SPAST: variants seen among roughly 807,000 people sequenced by gnomAD.
SPAST encodes the protein spastin, also known as spastic paraplegia 4 (autosomal dominant; spastin).
Under a neutral mutation model 76.6 loss-of-function variants are expected in SPAST, and 30 were observed. The ratio of observed to expected loss-of-function variants is 0.39; its 90% CI spans 0.29 to 0.53. SPAST has a LOEUF of 0.53. SPAST is among the 20% of genes least tolerant of loss of function. The probability of loss-of-function intolerance (pLI) is 0.68; values close to 1 mark genes in which losing one functional copy is unlikely to be tolerated. For missense variants in SPAST, 717 were observed against 770.5 expected (o/e 0.93, Z 0.82); for synonymous variants, 305 against 281.0 (o/e 1.09, Z -0.86).
intron 4 of SPAST, among the ~76,000 whole-genome samples, chr2:32,105,038 G>A (rs935441507): frequency 2.0e-5 from 3 of 152,152 alleles, no homozygotes; most frequent in African/African-American, 4.8e-5. Flanking sequence ...ATAATATCCT[G>A]CAGAGTGTTT....
chr2:32,120,184 C>A (rs537063615), intron 7 of SPAST, among the ~76,000 whole-genome samples: 1 of 151,944 alleles, frequency 6.6e-6, no homozygotes, highest in Non-Finnish European at 1.5e-5. Flanking sequence ...TAAACATAAG[C>A]CTTTCTTCTT....
At chr2:32,131,811 C>T (rs13014545) in intron 9 of SPAST, among the ~76,000 whole-genome samples, 2,507 of 151,670 alleles carry the variant, frequency 0.017, 46 homozygotes, top group Middle Eastern at 0.078. Flanking sequence ...TACAGGCACC[C>T]GCCACGACAC....
intron 1 of SPAST, among the ~76,000 whole-genome samples, chr2:32,073,512 T>C (rs1676834726): frequency 6.6e-6 from 1 of 152,164 alleles, no homozygotes; most frequent in Non-Finnish European, 1.5e-5. Context: ...TAAAGCAAGA[T>C]AGAGACAGGG....
Position 32,064,162 on chromosome 2 carries a change from G to A in SPAST, c.331G>A (p.Gly111Ser), listed in dbSNP as rs751295729. The change falls in exon 1 of 17, where the codon GGC becomes AGC. Residue 111 changes from glycine (G) to serine (S), a missense_variant. Gly to Ser is a moderately conservative substitution (Grantham distance 56). Around this residue, in one of 3 missense-constraint regions of SPAST, gnomAD observed 543 missense variants for 445.2 expected, o/e 1.22. Transcript: ENST00000315285. ...SASAPAPVPG[G>S]EAERVRVFHK... is the part of the protein sequence containing the mutation. The stretch of plus-strand genomic sequence containing the variant: ...CTCGGCCCCGGCGCCGGTGCCGGGC[G>A]GCGAGGCCGAGCGCGTCCGAGTCTT... The A allele has an allele frequency of 2.6e-6, 4 of 1,553,782 alleles. No homozygotes were observed. The South Asian group carries it at 3.5e-5, about 14-fold the overall frequency.
chr2:32,121,383 C>T lies in SPAST; in HGVS notation c.1098+5171C>T, dbSNP rs532791681. Among the ~76,000 whole-genome samples, 14 of 152,102 alleles carry T rather than the reference C, an allele frequency of 9.2e-5. No homozygotes were observed. The South Asian group carries it at 1.9e-3, about 20-fold the overall frequency. On this transcript the variant is annotated intron_variant, in intron 7 of 16. Coordinates refer to ENST00000315285, the MANE Select transcript of SPAST (RefSeq NM_014946.4). ...CTTGAACTCCTGACCTCAGGTGATC[C>T]GCCCTCCTCAGCCTCCCAAAGTGCT... is the stretch of plus-strand genomic sequence containing the variant.
chr2:32,094,669 C>G (rs1406413886), intron 3 of SPAST, among the ~76,000 whole-genome samples: 1 of 152,160 alleles, frequency 6.6e-6, no homozygotes, highest in Non-Finnish European at 1.5e-5. Flanking sequence ...GGAGCAGTTA[C>G]AAAGATTTTT....
chr2:32,097,846 A>G (rs1250923798), intron 3 of SPAST, among the ~76,000 whole-genome samples: 1 of 151,902 alleles, frequency 6.6e-6, no homozygotes, highest in African/African-American at 2.4e-5. Flanking sequence ...GGCGCGTGCC[A>G]CCACGCCCGG....
At chr2:32,153,052 A>G (rs1008506142) in intron 16 of SPAST, among the ~76,000 whole-genome samples, 1 of 152,026 alleles carries the variant, frequency 6.6e-6, no homozygotes, top group East Asian at 1.9e-4. Flanking sequence ...GCCAGCCTAT[A>G]TTTTAACTAT....
chr2:32,096,328 G>A (rs764603108), intron 3 of SPAST, among the ~76,000 whole-genome samples: 3 of 152,172 alleles, frequency 2.0e-5, no homozygotes, highest in Non-Finnish European at 2.9e-5. Flanking sequence ...CCAGCTATTC[G>A]GGAGGCTGAG....
intron 1 of SPAST, among the ~76,000 whole-genome samples, chr2:32,083,580 T>G (rs1677322809): frequency 6.7e-6 from 1 of 149,894 alleles, no homozygotes. Flanking sequence ...ACTAATGATG[T>G]GGAGCATCTT....
intron 4 of SPAST, among the ~76,000 whole-genome samples, chr2:32,114,211 C>T (rs1678735357): frequency 6.6e-6 from 1 of 152,096 alleles, no homozygotes; most frequent in African/African-American, 2.4e-5. Context: ...TCGAGACCAG[C>T]CTAGGCAACA....
chr2:32,122,149 G>A (rs150002038), intron 7 of SPAST, among the ~76,000 whole-genome samples: 25 of 152,264 alleles, frequency 1.6e-4, no homozygotes, highest in African/African-American at 5.1e-4. Context: ...TCTCCAAATG[G>A]CTATAGCTGT....
In SPAST at chr2:32,126,469, C is replaced by CTTTTTTTTT. The variant is rs70938323; in HGVS notation, c.1099-458_1099-450dup. On this transcript the variant is annotated intron_variant, in intron 7 of 16. Transcript: ENST00000315285. ...TACCACCGAGGAGTTGGTTTTATTT[C>CTTTTTTTTT]TTTTTTTTTTTTTTTTTTTTTTTTT... is the stretch of plus-strand genomic sequence containing the variant. 2.1e-4 allele frequency: 8 copies of CTTTTTTTTT among 38,694 alleles called. 1 individual carries two copies. The highest frequency in any genetic ancestry group is 4.4e-4 in the Admixed American group (1 of 2,282). 2.4% of individuals were successfully genotyped at this position (38,694 alleles called of 1,614,324 possible).
At chr2:32,111,609 C>T (rs1228946697) in intron 4 of SPAST, among the ~76,000 whole-genome samples, 4 of 151,066 alleles carry the variant, frequency 2.6e-5, no homozygotes, top group East Asian at 1.9e-4. Context: ...TTCTTCCCCA[C>T]AGGTTTTCTG....
rs1393973278 is a variant in SPAST at position 32,115,806 on chromosome 2, T to C, written c.975T>C (p.Ala325=). 1.2e-6 allele frequency: 2 copies of C among 1,611,348 alleles called. No individual in the cohort carries two copies. The highest frequency in any genetic ancestry group is 2.2e-5 in the East Asian group (1 of 44,706). The change falls in exon 6 of 17, where the codon GCT becomes GCC. Residue 325 remains alanine (A), a synonymous_variant. Transcript: ENST00000315285. Reference sequence around the variant, plus strand: ...TTAGGAATGTGGACAGCAACCTTGCTAACCTTATAATGAATGAAATTGTGG... The same window carrying C: ...TTAGGAATGTGGACAGCAACCTTGCCAACCTTATAATGAATGAAATTGTGG... The part of the protein sequence containing the change: ...KNFRNVDSNL[A]NLIMNEIVDN...
At chr2:32,116,329 A>T (rs1382081259) in intron 7 of SPAST, 117 bp downstream of exon 7, 3 of 707,290 alleles carry the variant, frequency 4.2e-6, no homozygotes, top group Admixed American at 4.7e-5. Flanking sequence ...ATAAGGTAAC[A>T]ATAGATTTAA....
At chr2:32,068,274 G>A (rs1449696152) in intron 1 of SPAST, among the ~76,000 whole-genome samples, 3 of 150,516 alleles carry the variant, frequency 2.0e-5, no homozygotes, top group South Asian at 4.2e-4. Context: ...CACCGCGCCC[G>A]GCACATATTT....
chr2:32,115,382 A>G (rs1435720193), intron 5 of SPAST, among the ~76,000 whole-genome samples: 1 of 152,134 alleles, frequency 6.6e-6, no homozygotes, highest in Non-Finnish European at 1.5e-5. Flanking sequence ...TTTATTTTTA[A>G]AATTATTTCA....
rs1398224540 is a variant in SPAST, at chr2:32,067,842, A to T, written c.415+3596A>T. 7.2e-5 allele frequency among the ~76,000 whole-genome samples: 11 copies of T among 151,804 alleles called. No homozygotes were observed. In the East Asian group the frequency reaches 1.2e-3, roughly 16 times the overall value. On this transcript the variant is annotated intron_variant, in intron 1 of 16. Transcript: ENST00000315285. ...CAACAATATTTTGAACAATAAAAAA[A>T]AAATAAATTAGGTTTTATTGTAAAG...
Sources: gnomAD v4.1 joint callset for allele counts (sites outside exome capture counted in the v4.1 genomes callset) on GRCh38, gnomAD v4.1.1 for gene constraint, gnomAD v4.1.1 regional missense constraint, MANE v1.5 for transcripts, NCBI Gene and HGNC (gene_info 2026-07-23, HGNC 2026-07-21) for gene names.